The following BACH2 variants were observed in gnomAD, a reference collection of about 807,000 sequenced individuals.
The protein encoded by BACH2 is transcription regulator protein BACH2.
A neutral mutation model predicts 61.8 loss-of-function variants in BACH2; 5 were observed. The observed-to-expected ratio is 0.08, with a 90% CI of 0.04 to 0.17. BACH2 has a LOEUF of 0.17. Among genes scored for constraint, BACH2 ranks in the 10% least tolerant of loss-of-function variants. The probability of loss-of-function intolerance (pLI) is 1.00; values close to 1 mark genes in which losing one functional copy is unlikely to be tolerated. For missense variants in BACH2, 824 were observed against 1,091.1 expected (o/e 0.76, Z 3.45); for synonymous variants, 446 against 440.1 (o/e 1.01, Z -0.17).
At chr6:90,166,799 T>C (rs1767635736) in intron 4 of BACH2, among the ~76,000 whole-genome samples, 1 of 149,188 alleles carries the variant, frequency 6.7e-6, no homozygotes, top group South Asian at 2.1e-4. Flanking sequence ...AGCAAACTAT[T>C]GCAAGGACAA....
intron 4 of BACH2, among the ~76,000 whole-genome samples, chr6:90,101,041 A>G (rs985037751): frequency 3.9e-5 from 6 of 152,142 alleles, no homozygotes; most frequent in Admixed American, 3.9e-4. Context: ...GGCCATTTGT[A>G]TATCTTTTTC....
intron 4 of BACH2, among the ~76,000 whole-genome samples, chr6:90,140,735 C>T (rs1273341748): frequency 6.6e-6 from 1 of 152,174 alleles, no homozygotes; most frequent in East Asian, 1.9e-4. Flanking sequence ...ATAAAATGAT[C>T]ATGCTAAAGA....
chr6:90,267,527 G>A lies in BACH2; in HGVS notation c.-353+4322C>T, dbSNP rs771974726. 1.3e-4 allele frequency among the ~76,000 whole-genome samples: 20 copies of A among 152,224 alleles called. No individual in the cohort carries two copies. The East Asian group carries it at 1.5e-3, about 12-fold the overall frequency. On this transcript the variant is annotated intron_variant, in intron 2 of 8. Transcript: ENST00000257749. ...ACATCATGCATGAGTCACTGACTCC[G>A]TTTTTAGGAATCTATCCTTCAAATA...
intron 6 of BACH2, among the ~76,000 whole-genome samples, chr6:89,989,067 CT>C (rs1165102421): frequency 2.0e-5 from 3 of 152,308 alleles, no homozygotes; most frequent in African/African-American, 7.2e-5. Flanking sequence ...CTCATGGCCC[CT>C]GATCACAGAT....
chr6:90,035,852 A>G (rs964953346), intron 5 of BACH2, among the ~76,000 whole-genome samples: 3 of 151,992 alleles, frequency 2.0e-5, no homozygotes, highest in Non-Finnish European at 2.9e-5. Flanking sequence ...TTTAGTAACA[A>G]TAACAGAAGA....
At chr6:90,040,746 C>T (rs1488662951) in intron 5 of BACH2, among the ~76,000 whole-genome samples, 2 of 151,854 alleles carry the variant, frequency 1.3e-5, no homozygotes, top group Non-Finnish European at 2.9e-5. Context: ...TTAAGGAGTT[C>T]TTGAGTTCAA....
At chr6:90,034,501 T>C (rs1200264632) in intron 5 of BACH2, among the ~76,000 whole-genome samples, 1 of 152,046 alleles carries the variant, frequency 6.6e-6, no homozygotes, top group Admixed American at 6.6e-5. Flanking sequence ...TACAACATCA[T>C]AAAACATTAG....
chr6:90,062,705 C>G (rs1259421534), intron 5 of BACH2, among the ~76,000 whole-genome samples: 1 of 151,392 alleles, frequency 6.6e-6, no homozygotes, highest in Non-Finnish European at 1.5e-5. Flanking sequence ...TTTTCCTTTA[C>G]AGATCTTATC....
At chr6:90,222,579 A>G (rs951383915) in intron 3 of BACH2, among the ~76,000 whole-genome samples, 6 of 152,134 alleles carry the variant, frequency 3.9e-5, no homozygotes, top group Non-Finnish European at 5.9e-5. Context: ...ATGAAGTTTC[A>G]TTGTTCCTTT....
chr6:90,092,000 C>T (rs899919789), intron 4 of BACH2, among the ~76,000 whole-genome samples: 1 of 151,934 alleles, frequency 6.6e-6, no homozygotes, highest in Non-Finnish European at 1.5e-5. Context: ...ACCAGAGCTA[C>T]AGGGAGTGAA....
chr6:90,078,592 C>T (rs1429208991), intron 5 of BACH2, among the ~76,000 whole-genome samples: 3 of 152,156 alleles, frequency 2.0e-5, no homozygotes, highest in Non-Finnish European at 4.4e-5. Context: ...CTCAAATTCT[C>T]CAACACATTT....
At chr6:89,947,574 T>C (rs551413262) in intron 7 of BACH2, among the ~76,000 whole-genome samples, 1 of 152,114 alleles carries the variant, frequency 6.6e-6, no homozygotes, top group Non-Finnish European at 1.5e-5. Flanking sequence ...TTCTTTCTTT[T>C]TTTTTTTTTG....
At chr6:90,253,199 G>A (rs1452043810) in intron 2 of BACH2, among the ~76,000 whole-genome samples, 3 of 152,016 alleles carry the variant, frequency 2.0e-5, no homozygotes, top group Non-Finnish European at 4.4e-5. Flanking sequence ...AGCCAAGATT[G>A]CGCCATTGTA....
At chr6:90,059,667 C>G (rs571566416) in intron 5 of BACH2, among the ~76,000 whole-genome samples, 8 of 152,182 alleles carry the variant, frequency 5.3e-5, no homozygotes, top group African/African-American at 1.7e-4. Flanking sequence ...TATAAAGACA[C>G]ATGCACACGT....
rs1028884621 is a variant in BACH2, at chr6:90,058,237, A to C, written c.-13+30724T>G. 1.9e-4 allele frequency among the ~76,000 whole-genome samples: 29 copies of C among 152,304 alleles called. 1 individual carries two copies. The highest frequency in any genetic ancestry group is 5.8e-4 in the African/African-American group (24 of 41,580). ...ATCTAGAAAACCCCACTGTCTCAGC[A>C]CAAAATCTCCTTAAGCTGATAAGCA... is the stretch of plus-strand genomic sequence containing the variant. On this transcript the variant is annotated intron_variant, in intron 5 of 8. Transcript: ENST00000257749.
rs1772386214 is a variant in BACH2 at position 89,926,878 on chromosome 6, AAAGT to A, written c.*5526_*5529del. ...CATTAATCGCATAGAATCTGTGTAAAAAGTATGTAGAAAAACACCTGATGTAACC... is the reference window on the plus strand; with the variant it reads ...CATTAATCGCATAGAATCTGTGTAAAATGTAGAAAAACACCTGATGTAACC... On this transcript the variant is annotated 3_prime_UTR_variant, in exon 9 of 9. Coordinates refer to ENST00000257749, the MANE Select transcript of BACH2 (RefSeq NM_021813.4). 1 of 152,816 alleles carries A rather than the reference AAAGT, an allele frequency of 6.5e-6. No individual in the cohort carries two copies. The highest frequency in any genetic ancestry group is 1.5e-5 in the Non-Finnish European group (1 of 68,046). The allele number at this position is 152,816 out of a possible 1,614,324, so 9.5% of individuals were successfully genotyped here. A position where few individuals can be genotyped will look rare whatever the true frequency, so the allele number is the denominator to read the frequency against.
At position 90,292,617 on chromosome 6, in the gene BACH2, T is replaced by C. The variant is rs74494827; in HGVS notation, c.-446+3863A>G. ...TGAAGTTTTGTTTTTTTGGCATCTT[T>C]CTATTTTCCAGGTAGTTGTAACCAT... On this transcript the variant is annotated intron_variant, in intron 1 of 8. Transcript: ENST00000257749. Among the ~76,000 whole-genome samples the C allele has an allele frequency of 1.1e-4, 16 of 152,342 alleles. No homozygotes were observed. In the East Asian group the frequency reaches 3.1e-3, roughly 29 times the overall value.
chr6:89,944,350 C>T (rs1041674890), intron 7 of BACH2, among the ~76,000 whole-genome samples: 2 of 152,238 alleles, frequency 1.3e-5, no homozygotes, highest in Non-Finnish European at 2.9e-5. Context: ...TTTATTAGCC[C>T]TATCTATCTC....
rs1280533657 is a variant in BACH2 at position 90,100,700 on chromosome 6, CAG to C, written c.-161-11593_-161-11592del. Among the ~76,000 whole-genome samples, 46 of 130,036 alleles carry C rather than the reference CAG, an allele frequency of 3.5e-4. 1 individual carries two copies. The highest frequency in any genetic ancestry group is 1.9e-3 in the Admixed American group (24 of 12,934). 85.3% of individuals were successfully genotyped at this position (130,036 alleles called of 152,430 possible). ...CTCTCTCTCTCTACACACACACACA[CAG>C]ACACACACACACACACACACACACA... On this transcript the variant is annotated intron_variant, in intron 4 of 8. Coordinates refer to ENST00000257749, the MANE Select transcript of BACH2 (RefSeq NM_021813.4).
Sources: gnomAD v4.1 joint callset for allele counts (sites outside exome capture counted in the v4.1 genomes callset) on GRCh38, gnomAD v4.1.1 for gene constraint, MANE v1.5 for transcripts, NCBI Gene and HGNC (gene_info 2026-07-23, HGNC 2026-07-21) for gene names.